Variants in ADAMTSL1 observed in about 807,000 individuals in gnomAD.
ADAMTSL1 encodes the protein ADAMTS-like protein 1.
ADAMTSL1 carries 126 observed loss-of-function variants against 201.8 expected under a neutral mutation model. The ratio of observed to expected loss-of-function variants is 0.62; its 90% CI spans 0.54 to 0.72. The LOEUF (loss-of-function observed/expected upper bound fraction) is 0.72, where lower values mean the gene tolerates loss of function less well. ADAMTSL1 is among the 30% of genes least tolerant of loss of function. The pLI, the probability that ADAMTSL1 is intolerant of heterozygous loss-of-function variation, is 0.00. For missense variants in ADAMTSL1, 2,679 were observed against 2,277.8 expected (o/e 1.18, Z -3.59); for synonymous variants, 1,121 against 903.4 (o/e 1.24, Z -4.32).
At chr9:17,982,946 G>A (rs72697426) in intron 1 of ADAMTSL1, among the ~76,000 whole-genome samples, 33,339 of 149,002 alleles carry the variant, frequency 0.22, 3,909 homozygotes, top group African/African-American at 0.26. Flanking sequence ...GAACAGCTTG[G>A]AAAAAAAAAT....
chr9:18,653,511 T>C (rs1828426046), intron 7 of ADAMTSL1, among the ~76,000 whole-genome samples: 1 of 152,066 alleles, frequency 6.6e-6, no homozygotes, highest in South Asian at 2.1e-4. Flanking sequence ...CACAGTGGCT[T>C]ATGCCTGGAA....
chr9:18,334,984 A>G (rs542254178), intron 2 of ADAMTSL1, among the ~76,000 whole-genome samples: 5 of 152,270 alleles, frequency 3.3e-5, no homozygotes, highest in African/African-American at 1.2e-4. Flanking sequence ...GTAATCATAT[A>G]AACTTGAAGA....
intron 2 of ADAMTSL1, among the ~76,000 whole-genome samples, chr9:18,203,803 G>A (rs764969452): frequency 7.2e-5 from 11 of 152,232 alleles, no homozygotes; most frequent in East Asian, 1.9e-4. Flanking sequence ...GTATGGCTCC[G>A]ATTTGGCCTA....
chr9:18,490,125 T>C (rs552402299), intron 1 of ADAMTSL1, among the ~76,000 whole-genome samples: 1 of 152,158 alleles, frequency 6.6e-6, no homozygotes, highest in African/African-American at 2.4e-5. Flanking sequence ...TGTTCAGCTG[T>C]TTTACTGCAT....
chr9:17,939,272 T>C lies in ADAMTSL1; in HGVS notation c.87+32350T>C, dbSNP rs139880824. 1.2e-4 allele frequency among the ~76,000 whole-genome samples: 18 copies of C among 145,472 alleles called. No individual in the cohort carries two copies. In the East Asian group the frequency reaches 3.7e-3, roughly 30 times the overall value. ...GCATGAATGTGGTGTTACCTAACCT[T>C]GCAAAGCCTCCCTTCATTAGAAACT... On this transcript the variant is annotated intron_variant, in intron 1 of 29. Coordinates refer to the ADAMTSL1 transcript ENST00000680146.
chr9:18,800,259 C>A (rs1005709194), intron 20 of ADAMTSL1, among the ~76,000 whole-genome samples: 16 of 151,600 alleles, frequency 1.1e-4, no homozygotes, highest in Admixed American at 1.1e-3. Context: ...CGCCTGTAAT[C>A]CCAGCTACTC....
intron 1 of ADAMTSL1, among the ~76,000 whole-genome samples, chr9:17,923,726 GT>G (rs1254803089): frequency 7.5e-6 from 1 of 132,810 alleles, no homozygotes; most frequent in South Asian, 2.9e-4. Context: ...AATGCTTCCA[GT>G]TTTTGCCCAT....
At chr9:18,882,335 C>CT (rs1224996117) in intron 23 of ADAMTSL1, among the ~76,000 whole-genome samples, 3 of 151,580 alleles carry the variant, frequency 2.0e-5, no homozygotes, top group African/African-American at 4.8e-5. Context: ...GCATATGGCC[C>CT]TTTTTTTTTC....
At chr9:18,799,224 C>T (rs1192840568) in intron 20 of ADAMTSL1, among the ~76,000 whole-genome samples, 2 of 152,130 alleles carry the variant, frequency 1.3e-5, no homozygotes, top group Non-Finnish European at 2.9e-5. Context: ...AGGAATGTCA[C>T]CAAAATGTCA....
intron 13 of ADAMTSL1, among the ~76,000 whole-genome samples, chr9:18,695,120 G>A (rs944687717): frequency 5.9e-5 from 9 of 152,218 alleles, no homozygotes; most frequent in South Asian, 2.1e-4. Flanking sequence ...GCAGGGCAGT[G>A]GAGCCCTGGG....
chr9:18,033,578 G>A (rs1821067100), intron 1 of ADAMTSL1, among the ~76,000 whole-genome samples: 1 of 152,178 alleles, frequency 6.6e-6, no homozygotes, highest in Non-Finnish European at 1.5e-5. Flanking sequence ...TTTCCCGGAG[G>A]CAAGATTAGA....
At chr9:18,473,560 G>T (rs1487369498), upstream of ADAMTSL1, among the ~76,000 whole-genome samples, 1 of 152,146 alleles carries the variant, frequency 6.6e-6, no homozygotes, top group Non-Finnish European at 1.5e-5. Context: ...TTCAGAAAAT[G>T]TATAGAGTAT....
intron 14 of ADAMTSL1, among the ~76,000 whole-genome samples, chr9:18,710,117 T>C (rs1465002327): frequency 6.6e-6 from 1 of 152,128 alleles, no homozygotes; most frequent in South Asian, 2.1e-4. Context: ...TTAGAGTTTT[T>C]CCCTCCTCCA....
chr9:18,065,745 C>T (rs1163890382), intron 1 of ADAMTSL1, among the ~76,000 whole-genome samples: 2 of 152,082 alleles, frequency 1.3e-5, no homozygotes, highest in African/African-American at 4.8e-5. Flanking sequence ...CTTTGGGAGG[C>T]CGAGGCGGGT....
At chr9:18,672,887 T>A (rs1286279975) in intron 9 of ADAMTSL1, among the ~76,000 whole-genome samples, 1 of 136,774 alleles carries the variant, frequency 7.3e-6, no homozygotes, top group Non-Finnish European at 1.7e-5. Flanking sequence ...CATGCTCACC[T>A]TCTCTTCTTA....
chr9:18,315,704 G>A (rs915396179), intron 2 of ADAMTSL1, among the ~76,000 whole-genome samples: 5 of 152,088 alleles, frequency 3.3e-5, no homozygotes, highest in African/African-American at 9.7e-5. Context: ...TCCCGCCCGC[G>A]CCTCTCCCTC....
chr9:18,584,651 C>T (rs1823360834), intron 4 of ADAMTSL1, among the ~76,000 whole-genome samples: 1 of 152,126 alleles, frequency 6.6e-6, no homozygotes, highest in Admixed American at 6.5e-5. Context: ...GTCAACTTGA[C>T]CAGATTTAGG....
chr9:17,925,856 TA>T (rs59321084), intron 1 of ADAMTSL1, among the ~76,000 whole-genome samples: 62 of 148,100 alleles, frequency 4.2e-4, no homozygotes, highest in African/African-American at 9.9e-4. Context: ...AAAGTATAAT[TA>T]AAAAAAAAAA....
At chr9:18,224,765 G>A (rs1269908615) in intron 2 of ADAMTSL1, among the ~76,000 whole-genome samples, 1 of 152,052 alleles carries the variant, frequency 6.6e-6, no homozygotes, top group Non-Finnish European at 1.5e-5. Context: ...GTAGAGGACA[G>A]GCATGGTCAC....
Sources: allele counts gnomAD v4.1 joint callset (sites outside exome capture counted in the v4.1 genomes callset), GRCh38; gene constraint gnomAD v4.1.1; transcripts MANE v1.5; gene names NCBI Gene and HGNC (gene_info 2026-07-23, HGNC 2026-07-21).